The following VWA8 variants were observed in gnomAD, a reference collection of about 807,000 sequenced individuals.
The protein encoded by VWA8 is von Willebrand factor A domain containing 8.
VWA8 carries 221 observed loss-of-function variants against 241.5 expected under a neutral mutation model. That is an observed-to-expected ratio of 0.91 (90% CI 0.82 to 1.02). VWA8 has a LOEUF of 1.02. Ranked by LOEUF, VWA8 falls within the 50% of genes least tolerant of loss-of-function variation. The pLI is 0.00. For missense variants in VWA8, 2,322 were observed against 2,328.7 expected (o/e 1.00, Z 0.06); for synonymous variants, 852 against 827.1 (o/e 1.03, Z -0.52).
At chr13:41,740,450 G>A (rs1258990759) in intron 21 of VWA8, among the ~76,000 whole-genome samples, 3 of 152,198 alleles carry the variant, frequency 2.0e-5, no homozygotes, top group African/African-American at 7.2e-5. Flanking sequence ...ACACTTTCAG[G>A]AAACTGGGTT....
chr13:41,886,103 G>T, intron 7 of VWA8, 75 bp from the exon 8 acceptor site: 4 of 988,642 alleles, frequency 4.0e-6, no homozygotes, highest in Non-Finnish European at 5.9e-6. Context: ...TAAAATACAG[G>T]GGCCAATTTA....
At chr13:41,621,648 A>G (rs1418821882) in intron 37 of VWA8, among the ~76,000 whole-genome samples, 1 of 152,192 alleles carries the variant, frequency 6.6e-6, no homozygotes, top group East Asian at 1.9e-4. Context: ...TCCCTAAGAC[A>G]TTTCACACAA....
chr13:41,620,423 C>T (rs903811570), intron 37 of VWA8, among the ~76,000 whole-genome samples: 5 of 152,250 alleles, frequency 3.3e-5, no homozygotes, highest in Middle Eastern at 3.4e-3. Flanking sequence ...AAAACCAGCT[C>T]CTGGATTCAT....
intron 32 of VWA8, 142 bp downstream of exon 32, chr13:41,691,178 G>T: frequency 1.1e-6 from 1 of 945,984 alleles, no homozygotes; most frequent in Non-Finnish European, 1.4e-6. Flanking sequence ...ATTCTTATAA[G>T]TCTCATATAT....
chr13:41,874,256 TC>T (rs1328813793), intron 9 of VWA8, among the ~76,000 whole-genome samples: 1 of 149,774 alleles, frequency 6.7e-6, no homozygotes, highest in Non-Finnish European at 1.5e-5. Flanking sequence ...CTGGAAGCAT[TC>T]CCTTTGAAAA....
At chr13:41,617,677 C>T (rs928059332) in intron 37 of VWA8, among the ~76,000 whole-genome samples, 1 of 150,588 alleles carries the variant, frequency 6.6e-6, no homozygotes. Flanking sequence ...GTGTGATGTT[C>T]CTCGCCCTGT....
chr13:41,627,123 AAAG>A (rs2044697228), intron 37 of VWA8, among the ~76,000 whole-genome samples: 1 of 152,212 alleles, frequency 6.6e-6, no homozygotes, highest in African/African-American at 2.4e-5. Context: ...ACACTTCTCA[AAAG>A]AAGATGTACA....
At chr13:41,845,694 A>T (rs1289915138) in intron 12 of VWA8, among the ~76,000 whole-genome samples, 3 of 152,150 alleles carry the variant, frequency 2.0e-5, no homozygotes, top group African/African-American at 7.2e-5. Context: ...AAGACATTAT[A>T]AGCAAACTAA....
chr13:41,574,502 G>GCAAT (rs1361230484), intron 43 of VWA8, among the ~76,000 whole-genome samples: 14 of 152,282 alleles, frequency 9.2e-5, no homozygotes, highest in African/African-American at 3.4e-4. Context: ...ACTGCCCAAA[G>GCAAT]CAATCAACAG....
intron 40 of VWA8, among the ~76,000 whole-genome samples, chr13:41,600,568 T>C (rs1202859810): frequency 2.6e-5 from 4 of 152,114 alleles, no homozygotes; most frequent in Non-Finnish European, 5.9e-5. Flanking sequence ...CAAAAATACA[T>C]ATACAGATAG....
At chr13:41,857,281 G>A (rs148609116) in intron 12 of VWA8, among the ~76,000 whole-genome samples, 123 of 152,178 alleles carry the variant, frequency 8.1e-4, no homozygotes, top group African/African-American at 2.8e-3. Context: ...ATTGTTAAGC[G>A]TTAATATACA....
intron 37 of VWA8, among the ~76,000 whole-genome samples, chr13:41,657,636 C>A (rs2139692571): frequency 6.6e-6 from 1 of 152,036 alleles, no homozygotes; most frequent in East Asian, 1.9e-4. Flanking sequence ...ACTACAGGCG[C>A]CCGCCACCGC....
chr13:41,732,796 G>A (rs1245209007), intron 21 of VWA8, among the ~76,000 whole-genome samples: 4 of 152,126 alleles, frequency 2.6e-5, no homozygotes, highest in South Asian at 4.1e-4. Context: ...AATATTAACA[G>A]TTGGCTATCC....
Position 41,891,426 on chromosome 13 carries a change from A to T in VWA8, c.645T>A (p.Leu215=). ...FLMSAERYDK[L]LRDHTKKELD... The stretch of plus-strand genomic sequence containing the variant: ...CAGGATTTTCTTTTCTTACTCGGAG[A>T]AGTTTGTCGTAACGCTCAGCAGACA... Residue 215 remains leucine, a synonymous_variant, in exon 5 of 45, where the codon CTT becomes CTA. Coordinates refer to ENST00000379310, the MANE Select transcript of VWA8 (RefSeq NM_015058.2). 6.2e-7 allele frequency: 1 copy of T among 1,614,008 alleles called. No individual in the cohort carries two copies. The highest frequency in any genetic ancestry group is 8.5e-7 in the Non-Finnish European group (1 of 1,179,970).
chr13:41,898,562 T>G (rs1268048812), intron 4 of VWA8, among the ~76,000 whole-genome samples: 1 of 152,262 alleles, frequency 6.6e-6, no homozygotes, highest in Non-Finnish European at 1.5e-5. Flanking sequence ...TGCCTGCCAG[T>G]CCTGCGCCAT....
rs1192250282 is a variant in VWA8, at chr13:41,819,341, T to C, written c.1746A>G (p.Ala582=). 1.2e-6 allele frequency: 2 copies of C among 1,611,764 alleles called. No homozygotes were observed. Among genetic ancestry groups the C allele is most frequent in the Non-Finnish European group, 8.5e-7 (1 of 1,179,540 alleles). ...CTGTGCTTCCAATAACAGGGGGTTCTGCCAAGGCAATGATTCTGAAGGAGG... is the reference window on the plus strand; with the variant it reads ...CTGTGCTTCCAATAACAGGGGGTTCCGCCAAGGCAATGATTCTGAAGGAGG... The part of the protein sequence containing the change: ...IHPSFRIIAL[A]EPPVIGSTAH... The change falls in exon 15 of 45, where the codon GCA becomes GCG. Residue 582 remains alanine, a synonymous_variant. Transcript: ENST00000379310.
intron 36 of VWA8, among the ~76,000 whole-genome samples, chr13:41,671,784 A>AC (rs1361859599): frequency 6.6e-6 from 1 of 152,126 alleles, no homozygotes; most frequent in Non-Finnish European, 1.5e-5. Context: ...AGCCCTCTGT[A>AC]AGACAGCCTT....
intron 29 of VWA8, among the ~76,000 whole-genome samples, chr13:41,695,559 T>C (rs1352086231): frequency 1.3e-5 from 2 of 152,206 alleles, no homozygotes; most frequent in East Asian, 1.9e-4. Context: ...GCTGTTCACA[T>C]GGAATTTTAC....
At chr13:41,841,514 C>T (rs1205351811) in intron 12 of VWA8, among the ~76,000 whole-genome samples, 1 of 151,624 alleles carries the variant, frequency 6.6e-6, no homozygotes, top group Non-Finnish European at 1.5e-5. Flanking sequence ...AGGCCGGGTG[C>T]GGTGGCTCAC....
Sources: gnomAD v4.1 joint callset for allele counts (sites outside exome capture counted in the v4.1 genomes callset) on GRCh38, gnomAD v4.1.1 for gene constraint, MANE v1.5 for transcripts, NCBI Gene and HGNC (gene_info 2026-07-23, HGNC 2026-07-21) for gene names.